Variants in PALLD observed in about 807,000 individuals in gnomAD.
The protein encoded by PALLD is palladin.
A neutral mutation model predicts 123.5 loss-of-function variants in PALLD; 61 were observed. The ratio of observed to expected loss-of-function variants is 0.49; its 90% CI spans 0.40 to 0.61. The LOEUF (loss-of-function observed/expected upper bound fraction) is 0.61, where lower values mean the gene tolerates loss of function less well. Among genes scored for constraint, PALLD ranks in the 20% least tolerant of loss-of-function variants. The pLI is 0.00. For missense variants in PALLD, 1,273 were observed against 1,377.0 expected (o/e 0.92, Z 1.20); for synonymous variants, 465 against 496.4 (o/e 0.94, Z 0.84).
At chr4:168,717,829 G>A (rs1349633968) in intron 10 of PALLD, among the ~76,000 whole-genome samples, 1 of 152,190 alleles carries the variant, frequency 6.6e-6, no homozygotes, top group Non-Finnish European at 1.5e-5. Flanking sequence ...GTTTGTCCAA[G>A]TTACTTAATT....
intron 10 of PALLD, among the ~76,000 whole-genome samples, chr4:168,814,390 G>A (rs1390194824): frequency 6.6e-6 from 1 of 152,076 alleles, no homozygotes; most frequent in Non-Finnish European, 1.5e-5. Context: ...AGCAGTGCAG[G>A]GACAATGAGG....
chr4:168,657,741 T>A (rs1580799099), intron 2 of PALLD, among the ~76,000 whole-genome samples: 1 of 152,122 alleles, frequency 6.6e-6, no homozygotes, highest in Non-Finnish European at 1.5e-5. Flanking sequence ...AGCTCCACCT[T>A]CCCTTTTCTT....
At chr4:168,628,729 C>T (rs759905498) in intron 2 of PALLD, among the ~76,000 whole-genome samples, 3 of 152,290 alleles carry the variant, frequency 2.0e-5, no homozygotes, top group Non-Finnish European at 2.9e-5. Flanking sequence ...TTCAACTGCT[C>T]TTATTATGTC....
At chr4:168,592,651 AC>A (rs1049525962) in intron 2 of PALLD, among the ~76,000 whole-genome samples, 2 of 152,118 alleles carry the variant, frequency 1.3e-5, no homozygotes. Context: ...ATCTTATTTG[AC>A]TTGACCCTAA....
chr4:168,755,193 A>T (rs1298009703), intron 10 of PALLD, among the ~76,000 whole-genome samples: 1 of 148,046 alleles, frequency 6.8e-6, no homozygotes, highest in African/African-American at 2.5e-5. Context: ...AGATTGCACC[A>T]CTGCACTCCA....
intron 1 of PALLD, 63 bp from the exon 2 acceptor site, chr4:168,511,360 A>C: frequency 1.5e-6 from 1 of 646,972 alleles, no homozygotes; most frequent in Non-Finnish European, 2.7e-6. Context: ...GTGACTTACA[A>C]GTTTTATGAT....
At chr4:168,739,420 G>A (rs910354249) in intron 10 of PALLD, among the ~76,000 whole-genome samples, 2 of 152,166 alleles carry the variant, frequency 1.3e-5, no homozygotes, top group African/African-American at 4.8e-5. Flanking sequence ...AGGCTGGGAA[G>A]GGTTTTTGGA....
intron 2 of PALLD, among the ~76,000 whole-genome samples, chr4:168,585,834 A>G (rs1005094875): frequency 2.6e-5 from 4 of 152,010 alleles, no homozygotes; most frequent in African/African-American, 9.7e-5. Flanking sequence ...TCTTCTTAGT[A>G]CTCTTAAGAG....
chr4:168,554,663 T>C (rs1323530085), intron 2 of PALLD, among the ~76,000 whole-genome samples: 1 of 152,264 alleles, frequency 6.6e-6, no homozygotes, highest in Non-Finnish European at 1.5e-5. Flanking sequence ...ATTTTTGTTA[T>C]GGAGCAATTT....
intron 2 of PALLD, among the ~76,000 whole-genome samples, chr4:168,597,359 G>A (rs992881636): frequency 2.0e-5 from 3 of 152,014 alleles, no homozygotes; most frequent in Non-Finnish European, 2.9e-5. Flanking sequence ...TACAGTTTTG[G>A]AGACTTCTTT....
chr4:168,790,890 T>C (rs1314260597), intron 10 of PALLD, among the ~76,000 whole-genome samples: 1 of 152,226 alleles, frequency 6.6e-6, no homozygotes, highest in Admixed American at 6.5e-5. Flanking sequence ...TTGTGGAGAT[T>C]TGACATCTTT....
chr4:168,822,792 C>T (rs891243320), intron 10 of PALLD, among the ~76,000 whole-genome samples: 4 of 152,184 alleles, frequency 2.6e-5, no homozygotes, highest in South Asian at 2.1e-4. Context: ...TTTGTCTCCG[C>T]GCTTTGATTA....
chr4:168,760,192 C>A (rs938060215), intron 10 of PALLD, among the ~76,000 whole-genome samples: 3 of 152,174 alleles, frequency 2.0e-5, no homozygotes, highest in African/African-American at 7.2e-5. Flanking sequence ...CTTCCAGCCT[C>A]AGTCTCTGTA....
chr4:168,721,457 T>G (rs375321936), intron 10 of PALLD, among the ~76,000 whole-genome samples: 1 of 151,836 alleles, frequency 6.6e-6, no homozygotes, highest in Non-Finnish European at 1.5e-5. Context: ...TATGAAAAAA[T>G]AAAAAATAAT....
intron 10 of PALLD, among the ~76,000 whole-genome samples, chr4:168,816,811 T>G (rs1179591065): frequency 7.1e-6 from 1 of 141,530 alleles, no homozygotes; most frequent in Non-Finnish European, 1.5e-5. Context: ...CTGTTGGAGC[T>G]AGCCCCGTGT....
At chr4:168,903,716 T>C (rs904089536) in intron 14 of PALLD, 41 bp from the exon 15 acceptor site, 3 of 1,537,228 alleles carry the variant, frequency 2.0e-6, no homozygotes, top group Non-Finnish European at 2.7e-6. Context: ...AGAGTAGGAA[T>C]ACACAAACTC....
intron 10 of PALLD, among the ~76,000 whole-genome samples, chr4:168,888,838 GAAACAAAGGGGAGTGGCCAA>G (rs1753734177): frequency 1.3e-5 from 2 of 152,142 alleles, no homozygotes. Flanking sequence ...ATTCAGCAAG[GAAACAAAGGGGAGTGGCCAA>G]GAGGAAAGAA....
intron 2 of PALLD, among the ~76,000 whole-genome samples, chr4:168,634,549 G>A (rs988917348): frequency 4.6e-5 from 7 of 152,156 alleles, no homozygotes; most frequent in African/African-American, 1.7e-4. Context: ...CTATCTCAGC[G>A]CAGAACCTTT....
intron 13 of PALLD, chr4:168,898,161 T>G: frequency 5.5e-6 from 2 of 364,448 alleles, no homozygotes; most frequent in Non-Finnish European, 1.0e-5. Context: ...ATTTTATTGT[T>G]ATCAACAGTT....
Sources: allele counts gnomAD v4.1 joint callset (sites outside exome capture counted in the v4.1 genomes callset), GRCh38; gene constraint gnomAD v4.1.1; transcripts MANE v1.5; gene names NCBI Gene and HGNC (gene_info 2026-07-23, HGNC 2026-07-21).